Variants in KDM2A observed in about 807,000 individuals in gnomAD.
KDM2A encodes the protein lysine demethylase 2A.
Under a neutral mutation model 137.3 loss-of-function variants are expected in KDM2A, and 3 were observed. The observed-to-expected ratio is 0.02, with a 90% CI of 0.01 to 0.06. The LOEUF is 0.06. Ranked by LOEUF, KDM2A falls within the 10% of genes least tolerant of loss-of-function variation. The pLI, the probability that KDM2A is intolerant of heterozygous loss-of-function variation, is 1.00. For synonymous variants in KDM2A, 512 were observed against 541.5 expected, an observed-to-expected ratio of 0.95 and a Z score of 0.76; for missense variants, 738 against 1,510.6, an observed-to-expected ratio of 0.49 and a Z score of 8.48.
intron 2 of KDM2A, among the ~76,000 whole-genome samples, chr11:67,123,176 A>G (rs979071984): frequency 2.8e-5 from 4 of 144,052 alleles, no homozygotes; most frequent in African/African-American, 5.1e-5. Flanking sequence ...GGGTCTTGCT[A>G]TGTTGCCCAC....
intron 5 of KDM2A, among the ~76,000 whole-genome samples, chr11:67,194,456 T>C (rs142494289): frequency 1.5e-4 from 23 of 152,358 alleles, no homozygotes; most frequent in African/African-American, 5.5e-4. Flanking sequence ...TCTTAAGTTA[T>C]GTTATCTAGT....
chr11:67,236,274 G>A (rs1052615558), intron 12 of KDM2A, among the ~76,000 whole-genome samples: 1 of 152,088 alleles, frequency 6.6e-6, no homozygotes, highest in South Asian at 2.1e-4. Context: ...GGGATTATAG[G>A]TGTGTGCCAC....
chr11:67,119,918 C>T lies in KDM2A; in HGVS notation c.-215C>T, dbSNP rs1054333246. The T allele has an allele frequency of 2.0e-5, 3 of 152,214 alleles. No homozygotes were observed. Among genetic ancestry groups the T allele is most frequent in the Non-Finnish European group, 4.4e-5 (3 of 68,044 alleles). 9.4% of individuals were successfully genotyped at this position (152,214 alleles called of 1,614,324 possible). ...CAACTGTTTGCTCCCTTTTCCTGGT[C>T]GCTCTGACCCTCTCTGGATACTGGG... On this transcript the variant is annotated 5_prime_UTR_variant, in exon 1 of 21. Transcript: ENST00000529006.
chr11:67,165,124 C>CTT (rs904019221), intron 2 of KDM2A, among the ~76,000 whole-genome samples: 2 of 143,008 alleles, frequency 1.4e-5, no homozygotes, highest in Non-Finnish European at 1.5e-5. Context: ...AGAATACCAA[C>CTT]TTTTTTTTTT....
chr11:67,140,797 C>T (rs1182203948), intron 2 of KDM2A, among the ~76,000 whole-genome samples: 2 of 151,888 alleles, frequency 1.3e-5, no homozygotes, highest in Non-Finnish European at 2.9e-5. Flanking sequence ...TTTATATTAA[C>T]CTTTCTGTCT....
intron 9 of KDM2A, among the ~76,000 whole-genome samples, chr11:67,218,273 A>G (rs1389176516): frequency 6.6e-6 from 1 of 152,198 alleles, no homozygotes; most frequent in Non-Finnish European, 1.5e-5. Context: ...TTTTTGATCA[A>G]GTCATTAAAT....
rs1156442962 is a variant in KDM2A, at chr11:67,193,947, GTCC to G, written c.307+12060_307+12062del. On this transcript the variant is annotated intron_variant, in intron 5 of 20. Transcript: ENST00000529006. The stretch of plus-strand genomic sequence containing the variant: ...GGTCTCTAGCCCCAGGCCTCAAGCT[GTCC>G]TCCTGTCTTGGCCTCCCAAATTGCT... Among the ~76,000 whole-genome samples the G allele has an allele frequency of 1.7e-4, 26 of 152,176 alleles. 1 individual carries two copies. Among genetic ancestry groups the G allele is most frequent in the Admixed American group, 1.7e-3 (26 of 15,262 alleles).
intron 10 of KDM2A, among the ~76,000 whole-genome samples, chr11:67,221,808 G>A (rs1360050767): frequency 6.6e-6 from 1 of 152,088 alleles, no homozygotes; most frequent in East Asian, 1.9e-4. Flanking sequence ...GGTGGTGCAT[G>A]CCTGTAATCC....
At chr11:67,222,782 C>T (rs1218711300) in intron 10 of KDM2A, among the ~76,000 whole-genome samples, 2 of 148,728 alleles carry the variant, frequency 1.3e-5, no homozygotes, top group South Asian at 2.2e-4. Flanking sequence ...ACACCTGGGT[C>T]TTATACACTG....
At chr11:67,227,984 G>T (rs867185076) in intron 10 of KDM2A, 53 bp from the exon 11 acceptor site, 7 of 1,552,890 alleles carry the variant, frequency 4.5e-6, no homozygotes, top group Middle Eastern at 3.6e-4. Flanking sequence ...TCCATTTGTT[G>T]TACTCTCTTT....
chr11:67,226,269 A>G (rs1358018350), intron 10 of KDM2A, among the ~76,000 whole-genome samples: 1 of 152,028 alleles, frequency 6.6e-6, no homozygotes, highest in Non-Finnish European at 1.5e-5. Flanking sequence ...AAAAAAAATA[A>G]TAATATATCA....
At chr11:67,163,523 A>C (rs1254679180) in intron 2 of KDM2A, among the ~76,000 whole-genome samples, 3 of 152,170 alleles carry the variant, frequency 2.0e-5, no homozygotes, top group African/African-American at 7.2e-5. Flanking sequence ...TGGGACATAC[A>C]GTTGATTTCC....
rs1389462574 is a variant in KDM2A, at chr11:67,215,962, T to C, written c.687+13T>C. On this transcript the variant is annotated intron_variant, in intron 8 of 20. Coordinates refer to ENST00000529006, the MANE Select transcript of KDM2A (RefSeq NM_012308.3). ...TCAAGGGGGAAAGGTATGGTCATAG[T>C]TGTGATAGGGGTTGGAATCTGAAGT... 1.9e-6 allele frequency: 3 copies of C among 1,602,212 alleles called. No homozygotes were observed. The African/African-American group carries it at 4.0e-5, about 21-fold the overall frequency.
rs766923634 is a variant in KDM2A at position 67,253,478 on chromosome 11, C to G, written c.2958C>G (p.Gly986=). The G allele has an allele frequency of 1.5e-5, 24 of 1,613,730 alleles. No homozygotes were observed. In the South Asian group the frequency reaches 2.6e-4, roughly 18 times the overall value. The change falls in exon 19 of 21, where the codon GGC becomes GGG. Residue 986 remains glycine (G), a synonymous_variant. Coordinates refer to ENST00000529006, the MANE Select transcript of KDM2A (RefSeq NM_012308.3). Reference sequence around the variant, plus strand: ...GACTGAAAGACCTCCTCCTAGCAGGCTGCTCCTGGTCTGCAGTCTCTGCCC... The same window carrying G: ...GACTGAAAGACCTCCTCCTAGCAGGGTGCTCCTGGTCTGCAGTCTCTGCCC... ...LPGLKDLLLA[G]CSWSAVSALS...
chr11:67,179,477 T>C (rs1857040768), intron 2 of KDM2A, among the ~76,000 whole-genome samples: 1 of 152,204 alleles, frequency 6.6e-6, no homozygotes, highest in African/African-American at 2.4e-5. Context: ...TTCTCCGTGT[T>C]GGTCAGGCTG....
chr11:67,228,686 GAAAAAAAA>G (rs139339570), intron 11 of KDM2A, among the ~76,000 whole-genome samples: 4 of 105,014 alleles, frequency 3.8e-5, no homozygotes, highest in East Asian at 6.4e-4. Context: ...ACCCTGTTGC[GAAAAAAAA>G]AAAAAAAAAG....
chr11:67,200,099 T>C (rs1305899285), intron 5 of KDM2A, among the ~76,000 whole-genome samples: 2 of 152,234 alleles, frequency 1.3e-5, no homozygotes, highest in Admixed American at 1.3e-4. Flanking sequence ...TTAAGCCCAC[T>C]GTGGAGATCT....
chr11:67,121,742 C>T (rs1414681327), intron 2 of KDM2A, among the ~76,000 whole-genome samples: 1 of 152,130 alleles, frequency 6.6e-6, no homozygotes, highest in Admixed American at 6.6e-5. Context: ...TAGTTCAATA[C>T]GTTTTTTAAG....
At chr11:67,233,312 A>T (rs189124132) in intron 12 of KDM2A, among the ~76,000 whole-genome samples, 2 of 148,354 alleles carry the variant, frequency 1.3e-5, no homozygotes, top group East Asian at 4.4e-4. Context: ...TGAGGTCAGG[A>T]GTTCGAGACC....
Sources: gnomAD v4.1 joint callset for allele counts (sites outside exome capture counted in the v4.1 genomes callset) on GRCh38, gnomAD v4.1.1 for gene constraint, MANE v1.5 for transcripts, NCBI Gene and HGNC (gene_info 2026-07-23, HGNC 2026-07-21) for gene names.